KIF26B: variants seen among roughly 807,000 people sequenced by gnomAD.
KIF26B encodes the protein kinesin-like protein KIF26B.
In KIF26B, 63 loss-of-function variants were observed where a neutral mutation model predicts 151.2. The ratio of observed to expected loss-of-function variants is 0.42; its 90% CI spans 0.34 to 0.51. KIF26B has a LOEUF of 0.51. KIF26B is among the 20% of genes least tolerant of loss of function. KIF26B has a pLI of 0.07. For missense variants in KIF26B, 2,813 were observed against 2,913.6 expected (o/e 0.97, Z 0.79); for synonymous variants, 1,357 against 1,262.1 (o/e 1.08, Z -1.59).
At chr1:245,245,641 C>T (rs115626048) in intron 2 of KIF26B, among the ~76,000 whole-genome samples, 1,909 of 151,822 alleles carry the variant, frequency 0.013, 41 homozygotes, top group African/African-American at 0.044. Flanking sequence ...AATACAACAA[C>T]AAAAAAAATT....
chr1:245,529,973 A>G lies in KIF26B; in HGVS notation c.1167-10794A>G, dbSNP rs115947020. On this transcript the variant is annotated intron_variant, in intron 4 of 14. Coordinates refer to ENST00000407071, the MANE Select transcript of KIF26B (RefSeq NM_018012.4). ...ATATATAAGGAGCTCAAACAACTCT[A>G]TGGAAAAAAAAATCTAATAATCCAA... 6.4e-3 allele frequency among the ~76,000 whole-genome samples: 971 copies of G among 152,244 alleles called. 13 individuals carry two copies. Among genetic ancestry groups the G allele is most frequent in the African/African-American group, 0.022 (926 of 41,504 alleles).
At chr1:245,591,215 T>C (rs1029061901) in intron 5 of KIF26B, among the ~76,000 whole-genome samples, 1 of 152,222 alleles carries the variant, frequency 6.6e-6, no homozygotes, top group African/African-American at 2.4e-5. Flanking sequence ...GCCATTTTAC[T>C]AATGAGGAAA....
intron 4 of KIF26B, among the ~76,000 whole-genome samples, chr1:245,429,198 G>GGT (rs1310844053): frequency 1.3e-5 from 2 of 152,116 alleles, no homozygotes; most frequent in African/African-American, 4.8e-5. Context: ...GATAGTCCTT[G>GGT]GTAAACTTCA....
chr1:245,688,066 C>T lies in KIF26B; in HGVS notation c.5083C>T (p.Leu1695=), dbSNP rs1251486899. ...GAGCCTGTCCTCCGTGAGCTCCCGG[C>T]TGCACGCGGGCAAGGACGGCACCAT... ...AESLSSVSSR[L]HAGKDGTMPR... The change falls in exon 12 of 15, where the codon CTG becomes TTG. Residue 1695 remains leucine, a synonymous_variant. Transcript: ENST00000407071. 20 of 1,553,060 alleles carry T rather than the reference C, an allele frequency of 1.3e-5. No homozygotes were observed. Among genetic ancestry groups the T allele is most frequent in the African/African-American group, 1.1e-4 (8 of 73,516 alleles).
intron 4 of KIF26B, among the ~76,000 whole-genome samples, chr1:245,456,477 A>G (rs1213330494): frequency 6.6e-6 from 1 of 152,208 alleles, no homozygotes; most frequent in East Asian, 1.9e-4. Flanking sequence ...CCACTCCAAT[A>G]CTGAATGCGA....
chr1:245,678,129 G>GATATTTGAACA (rs1306459357), intron 10 of KIF26B, among the ~76,000 whole-genome samples: 1 of 152,142 alleles, frequency 6.6e-6, no homozygotes, highest in Non-Finnish European at 1.5e-5. Flanking sequence ...AAGGAGGCAG[G>GATATTTGAACA]GTCAGTGGTG....
chr1:245,171,355 A>G (rs1355223524), intron 2 of KIF26B, among the ~76,000 whole-genome samples: 2 of 152,234 alleles, frequency 1.3e-5, no homozygotes, highest in African/African-American at 4.8e-5. Context: ...CAGCCTGACC[A>G]ACATGGTGAA....
At chr1:245,422,646 A>G (rs1240017170) in intron 4 of KIF26B, among the ~76,000 whole-genome samples, 1 of 152,172 alleles carries the variant, frequency 6.6e-6, no homozygotes, top group African/African-American at 2.4e-5. Context: ...CTGTCCTCAT[A>G]GGGGTTTGGG....
At chr1:245,679,457 G>GTGTTTTT (rs2044400945) in intron 10 of KIF26B, among the ~76,000 whole-genome samples, 3 of 59,210 alleles carry the variant, frequency 5.1e-5, no homozygotes, top group African/African-American at 1.2e-4. Context: ...TTTTGTGTGT[G>GTGTTTTT]TTTTTTTTTT....
Position 245,474,249 on chromosome 1 carries a change from C to T in KIF26B, c.1166+54504C>T, listed in dbSNP as rs1041709558. 5.2e-4 allele frequency among the ~76,000 whole-genome samples: 78 copies of T among 149,758 alleles called. 1 individual carries two copies. The highest frequency in any genetic ancestry group is 1.7e-3 in the African/African-American group (71 of 40,926). ...TCAGCCTCCCGAGTGGCTGGGACTA[C>T]AGGTGCCCGCCACCACATCTGGCTA... On this transcript the variant is annotated intron_variant, in intron 4 of 14. Coordinates refer to ENST00000407071, the MANE Select transcript of KIF26B (RefSeq NM_018012.4).
chr1:245,454,391 C>T (rs1338236747), intron 4 of KIF26B, among the ~76,000 whole-genome samples: 1 of 152,210 alleles, frequency 6.6e-6, no homozygotes, highest in Non-Finnish European at 1.5e-5. Flanking sequence ...TATGGCTCAG[C>T]TGTGGCCTGA....
At chr1:245,427,778 T>G (rs1408401337) in intron 4 of KIF26B, among the ~76,000 whole-genome samples, 1 of 152,226 alleles carries the variant, frequency 6.6e-6, no homozygotes, top group African/African-American at 2.4e-5. Context: ...GTCTGTTCTT[T>G]TCTCCTTGCC....
intron 2 of KIF26B, among the ~76,000 whole-genome samples, chr1:245,216,997 G>C (rs1247817560): frequency 6.6e-6 from 1 of 152,188 alleles, no homozygotes; most frequent in Non-Finnish European, 1.5e-5. Flanking sequence ...GCTTCTGAGA[G>C]AGCTCCCTTT....
chr1:245,508,746 A>C (rs1660774129), intron 4 of KIF26B, among the ~76,000 whole-genome samples: 2 of 152,128 alleles, frequency 1.3e-5, no homozygotes, highest in Non-Finnish European at 2.9e-5. Context: ...TGTCACCATT[A>C]ATGGAAGTGT....
intron 12 of KIF26B, among the ~76,000 whole-genome samples, chr1:245,695,743 A>G (rs1192988402): frequency 6.6e-6 from 1 of 151,920 alleles, no homozygotes; most frequent in Non-Finnish European, 1.5e-5. Context: ...GTCACTCTCC[A>G]GGTGTTTTTA....
chr1:245,691,561 T>G (rs1046238974), intron 12 of KIF26B, among the ~76,000 whole-genome samples: 13 of 152,272 alleles, frequency 8.5e-5, no homozygotes, highest in African/African-American at 3.1e-4. Context: ...TCAGACATGG[T>G]CAGCATAAAT....
In KIF26B at chr1:245,688,193, G is replaced by C. The variant is rs756173865; in HGVS notation, c.5210G>C (p.Arg1737Thr). 2 of 1,597,024 alleles carry C rather than the reference G, an allele frequency of 1.3e-6. No individual in the cohort carries two copies. Among genetic ancestry groups the C allele is most frequent in the South Asian group, 1.1e-5 (1 of 90,808 alleles). ...CAGTCCAAGATCTCCGCCGTGAGCAGACTCCTCCTGGCCAGCCCCAGAGCG... is the reference window on the plus strand; with the variant it reads ...CAGTCCAAGATCTCCGCCGTGAGCACACTCCTCCTGGCCAGCCCCAGAGCG... ...AGQSKISAVS[R>T]LLLASPRARG... The change falls in exon 12 of 15, where the codon AGA becomes ACA. Residue 1737 changes from arginine to threonine, a missense_variant. By Grantham distance (71) the Arg-to-Thr change is moderately conservative. Around this residue, in one of 3 missense-constraint regions of KIF26B, gnomAD observed 2,060 missense variants for 2,088.6 expected, o/e 0.99. Coordinates refer to ENST00000407071, the MANE Select transcript of KIF26B (RefSeq NM_018012.4).
At chr1:245,371,646 A>C (rs12059881) in intron 3 of KIF26B, 23 of 152,144 alleles carry the variant, frequency 1.5e-4, no homozygotes, top group Middle Eastern at 3.4e-3. Flanking sequence ...TGGGCGACAG[A>C]AGGTCCCTCG....
chr1:245,419,834 A>G (rs1658433380), intron 4 of KIF26B, 89 bp downstream of exon 4: 2 of 1,244,008 alleles, frequency 1.6e-6, no homozygotes, highest in Non-Finnish European at 2.3e-6. Flanking sequence ...AACACTAGAA[A>G]GAGTTTGGGG....
Sources: allele counts gnomAD v4.1 joint callset (sites outside exome capture counted in the v4.1 genomes callset), GRCh38; gene constraint gnomAD v4.1.1; regional missense constraint gnomAD v4.1.1; transcripts MANE v1.5; gene names NCBI Gene and HGNC (gene_info 2026-07-23, HGNC 2026-07-21).